The following CDC42EP3 variants were observed in gnomAD, a reference collection of about 807,000 sequenced individuals.
CDC42EP3 encodes CDC42 effector protein 3, also known as CDC42 effector protein (Rho GTPase binding) 3.
A neutral mutation model predicts 15.5 loss-of-function variants in CDC42EP3; 4 were observed. The observed-to-expected ratio is 0.26, with a 90% CI of 0.13 to 0.59. The LOEUF is 0.59. Ranked by LOEUF, CDC42EP3 falls within the 20% of genes least tolerant of loss-of-function variation. CDC42EP3 has a pLI of 0.89. For missense variants in CDC42EP3, 309 were observed against 311.2 expected, an observed-to-expected ratio of 0.99 and a Z score of 0.05; for synonymous variants, 145 against 130.3, an observed-to-expected ratio of 1.11 and a Z score of -0.77.
chr2:37,660,664 A>G (rs2124630405), intron 1 of CDC42EP3, among the ~76,000 whole-genome samples: 1 of 152,250 alleles, frequency 6.6e-6, no homozygotes, highest in East Asian at 1.9e-4. Flanking sequence ...ATTTCATTTT[A>G]AGTTACTTTG....
chr2:37,646,719 C>T lies in CDC42EP3; in HGVS notation c.-132G>A, dbSNP rs1307784508. ...TCTCAAGTGGCTTCAGAAGTGGCTT[C>T]GAAATGAGATGGGGTCAAAGAGAAC... On this transcript the variant is annotated 5_prime_UTR_variant, in exon 2 of 2. Coordinates refer to ENST00000295324, the MANE Select transcript of CDC42EP3 (RefSeq NM_006449.5). 31 of 885,340 alleles carry T rather than the reference C, an allele frequency of 3.5e-5. No homozygotes were observed. Among genetic ancestry groups the T allele is most frequent in the East Asian group, 2.3e-4 (9 of 39,302 alleles). 54.8% of individuals were successfully genotyped at this position (885,340 alleles called of 1,614,324 possible).
chr2:37,647,862 C>T (rs985140326), intron 1 of CDC42EP3, among the ~76,000 whole-genome samples: 2 of 152,144 alleles, frequency 1.3e-5, no homozygotes, highest in Admixed American at 6.5e-5. Flanking sequence ...ATGAAATCTG[C>T]CAACAATGTT....
chr2:37,665,108 T>A (rs1461703051), intron 1 of CDC42EP3, among the ~76,000 whole-genome samples: 1 of 135,142 alleles, frequency 7.4e-6, no homozygotes, highest in Admixed American at 7.7e-5. Context: ...TGAGTCAACA[T>A]TCCTTAATAA....
intron 1 of CDC42EP3, among the ~76,000 whole-genome samples, chr2:37,661,867 G>A (rs374804917): frequency 2.8e-4 from 42 of 152,186 alleles, no homozygotes; most frequent in Middle Eastern, 6.8e-3. Context: ...TTATATATCA[G>A]GCTTAAGATT....
At chr2:37,668,153 T>C (rs1292114126) in intron 1 of CDC42EP3, among the ~76,000 whole-genome samples, 1 of 152,218 alleles carries the variant, frequency 6.6e-6, no homozygotes, top group Non-Finnish European at 1.5e-5. Context: ...GGTCTCTTTC[T>C]TTCTTAAAAT....
At chr2:37,660,183 G>A (rs1282059977) in intron 1 of CDC42EP3, among the ~76,000 whole-genome samples, 1 of 152,144 alleles carries the variant, frequency 6.6e-6, no homozygotes, top group Non-Finnish European at 1.5e-5. Context: ...TATTCTCATT[G>A]CCAAAATAAA....
chr2:37,670,884 CAAAA>C (rs1374396114), intron 1 of CDC42EP3, among the ~76,000 whole-genome samples: 1 of 152,232 alleles, frequency 6.6e-6, no homozygotes, highest in East Asian at 1.9e-4. Flanking sequence ...AAACAAAAAA[CAAAA>C]AACCTTGTAA....
chr2:37,662,458 T>C (rs1275023689), intron 1 of CDC42EP3, among the ~76,000 whole-genome samples: 1 of 152,226 alleles, frequency 6.6e-6, no homozygotes, highest in African/African-American at 2.4e-5. Context: ...CTTTTAGACC[T>C]TGGGATCTGG....
chr2:37,663,021 T>G (rs1005107560), intron 1 of CDC42EP3, among the ~76,000 whole-genome samples: 1 of 152,120 alleles, frequency 6.6e-6, no homozygotes, highest in Non-Finnish European at 1.5e-5. Context: ...AAAAATTAGC[T>G]GGGTGTGGTG....
rs1049454009 is a variant in CDC42EP3, at chr2:37,671,416, C to T, written c.-236+10G>A. The T allele has an allele frequency of 4.6e-5, 7 of 152,706 alleles. No individual in the cohort carries two copies. The highest frequency in any genetic ancestry group is 1.2e-4 in the African/African-American group (5 of 41,464). The allele number at this position is 152,706 out of a possible 1,614,324, so 9.5% of individuals were successfully genotyped here. ...TAGAGAGGAAGGAGCCCTGGGCTGC[C>T]CCGACTCACCGGCCGCCGCTGAGGA... On this transcript the variant is annotated intron_variant, in intron 1 of 1. Coordinates refer to ENST00000295324, the MANE Select transcript of CDC42EP3 (RefSeq NM_006449.5).
At chr2:37,650,930 C>A (rs1162775024) in intron 1 of CDC42EP3, among the ~76,000 whole-genome samples, 1 of 152,154 alleles carries the variant, frequency 6.6e-6, no homozygotes, top group Non-Finnish European at 1.5e-5. Flanking sequence ...GGGATTTACC[C>A]AACTCACAGA....
intron 1 of CDC42EP3, among the ~76,000 whole-genome samples, chr2:37,663,803 G>A (rs1055431390): frequency 9.9e-5 from 15 of 152,272 alleles, no homozygotes; most frequent in African/African-American, 1.7e-4. Context: ...CATTTGAGTC[G>A]GTGAATTGGG....
rs1316589334 is a variant in CDC42EP3, at chr2:37,657,231, G to A, written c.-235-10409C>T. Among the ~76,000 whole-genome samples, 4 of 152,140 alleles carry A rather than the reference G, an allele frequency of 2.6e-5. No homozygotes were observed. In the East Asian group the frequency reaches 5.8e-4, roughly 22 times the overall value. On this transcript the variant is annotated intron_variant, in intron 1 of 1. Coordinates refer to ENST00000295324, the MANE Select transcript of CDC42EP3 (RefSeq NM_006449.5). ...AAGCTCTCCCACCTTCTTACCATCA[G>A]CCTCTATTCACAACATCCTCTGAGA...
intron 1 of CDC42EP3, among the ~76,000 whole-genome samples, chr2:37,664,081 G>A (rs1666175270): frequency 6.6e-6 from 1 of 152,332 alleles, no homozygotes; most frequent in Non-Finnish European, 1.5e-5. Context: ...GGCTGAGGCA[G>A]GAGAATGGCG....
chr2:37,656,999 CCCCCGCCATCCTCGAGGAGAAAAA>C (rs1665882343), intron 1 of CDC42EP3, among the ~76,000 whole-genome samples: 1 of 100,624 alleles, frequency 9.9e-6, no homozygotes, highest in African/African-American at 4.8e-5. Flanking sequence ...CACCCCCCGC[CCCCCGCCATCCTCGAGGAGAAAAA>C]CAAACATCCT....
chr2:37,646,146 C>A lies in CDC42EP3; in HGVS notation c.442G>T (p.Val148Phe). ...TTCTCCTGAGCTTTTTCCTCCATGA[C>A]GGGCTCGCAGCTAAGCCTGGGCAGC... Reference protein sequence around the residue: ...AKLPRLSCEPVMEEKAQEKSS... With the variant: ...AKLPRLSCEPFMEEKAQEKSS... The change falls in exon 2 of 2, where the codon GTC becomes TTC. Residue 148 changes from valine to phenylalanine, a missense_variant. Physicochemically the swap from Val to Phe is conservative, Grantham distance 50 (BLOSUM62 -1). Coordinates refer to ENST00000295324, the MANE Select transcript of CDC42EP3 (RefSeq NM_006449.5). 6.2e-7 allele frequency: 1 copy of A among 1,614,198 alleles called. No individual in the cohort carries two copies. The highest frequency in any genetic ancestry group is 8.5e-7 in the Non-Finnish European group (1 of 1,180,028).
chr2:37,664,920 G>A (rs1176977176), intron 1 of CDC42EP3, among the ~76,000 whole-genome samples: 1 of 152,106 alleles, frequency 6.6e-6, no homozygotes, highest in Non-Finnish European at 1.5e-5. Context: ...AGGGGGAAGG[G>A]CGGGAGGAGG....
chr2:37,656,002 C>T (rs1665835233), intron 1 of CDC42EP3, among the ~76,000 whole-genome samples: 1 of 152,238 alleles, frequency 6.6e-6, no homozygotes, highest in Non-Finnish European at 1.5e-5. Flanking sequence ...ACCCATACTA[C>T]CTTGGAGGGC....
chr2:37,669,104 C>T (rs1391634873), intron 1 of CDC42EP3, among the ~76,000 whole-genome samples: 2 of 151,350 alleles, frequency 1.3e-5, no homozygotes, highest in African/African-American at 2.4e-5. Flanking sequence ...ATCTGAATAA[C>T]AATAATAATA....
Sources: gnomAD v4.1 joint callset for allele counts (sites outside exome capture counted in the v4.1 genomes callset) on GRCh38, gnomAD v4.1.1 for gene constraint, MANE v1.5 for transcripts, NCBI Gene and HGNC (gene_info 2026-07-23, HGNC 2026-07-21) for gene names.